The following ADGRA3 variants were observed in gnomAD, a reference collection of about 807,000 sequenced individuals.
ADGRA3 encodes the protein adhesion G protein-coupled receptor A3.
ADGRA3 carries 56 observed loss-of-function variants against 119.8 expected under a neutral mutation model. The observed-to-expected ratio is 0.47, with a 90% CI of 0.38 to 0.58. The LOEUF (loss-of-function observed/expected upper bound fraction) is 0.58. Among genes scored for constraint, ADGRA3 ranks in the 20% least tolerant of loss-of-function variants. The pLI, the probability that ADGRA3 is intolerant of heterozygous loss-of-function variation, is 0.00. For missense variants in ADGRA3, 1,516 were observed against 1,649.0 expected, an observed-to-expected ratio of 0.92 and a Z score of 1.40; for synonymous variants, 607 against 623.8, an observed-to-expected ratio of 0.97 and a Z score of 0.40.
chr4:22,398,076 T>C (rs576739923), intron 16 of ADGRA3: 3 of 985,330 alleles, frequency 3.0e-6, no homozygotes, highest in East Asian at 1.1e-4. Flanking sequence ...ATGGATGTAG[T>C]TGATCTGAGA....
At chr4:22,439,643 T>C (rs1220128647) in intron 7 of ADGRA3, among the ~76,000 whole-genome samples, 1 of 152,150 alleles carries the variant, frequency 6.6e-6, no homozygotes, top group Non-Finnish European at 1.5e-5. Context: ...CTTTACTAAG[T>C]TAGAAAAATA....
intron 6 of ADGRA3, chr4:22,443,101 G>A (rs1335829919): frequency 3.7e-5 from 25 of 681,830 alleles, no homozygotes; most frequent in Non-Finnish European, 6.1e-5. Context: ...TTCCTCTTCA[G>A]TGGCATCCTA....
At chr4:22,419,095 A>C (rs1313524479) in intron 12 of ADGRA3, among the ~76,000 whole-genome samples, 1 of 152,142 alleles carries the variant, frequency 6.6e-6, no homozygotes. Context: ...AGAGATTCTG[A>C]AATATGCAGG....
chr4:22,429,718 T>C lies in ADGRA3; in HGVS notation c.1444-5366A>G, dbSNP rs375177124. On this transcript the variant is annotated intron_variant, in intron 10 of 18. Transcript: ENST00000334304. ...CCTTCAAACAGGTCCTTTATACTAC[T>C]TTCGTGTTCTTAAAAACCTCAAGCT... Among the ~76,000 whole-genome samples, 16 of 152,352 alleles carry C rather than the reference T, an allele frequency of 1.1e-4. No individual in the cohort carries two copies. In the East Asian group the frequency reaches 1.4e-3, roughly 13 times the overall value.
At chr4:22,485,688 C>CTTTTA (rs1718412486) in intron 1 of ADGRA3, among the ~76,000 whole-genome samples, 2 of 152,114 alleles carry the variant, frequency 1.3e-5, no homozygotes, top group Non-Finnish European at 2.9e-5. Context: ...TAATGAACTG[C>CTTTTA]CTTTACTTTT....
intron 10 of ADGRA3, among the ~76,000 whole-genome samples, chr4:22,432,392 C>T: frequency 1.3e-5 from 2 of 150,610 alleles, no homozygotes; most frequent in South Asian, 2.1e-4. Context: ...CCTAGAAAAG[C>T]TTAATAATAC....
At chr4:22,390,582 C>T (rs1241437308) in intron 17 of ADGRA3, among the ~76,000 whole-genome samples, 1 of 151,722 alleles carries the variant, frequency 6.6e-6, no homozygotes, top group Non-Finnish European at 1.5e-5. Flanking sequence ...GTCAGCTGTA[C>T]CCACTCACCA....
At position 22,388,288 on chromosome 4, in the gene ADGRA3, T is replaced by C. The variant is rs545763677; in HGVS notation, c.3383A>G (p.Asn1128Ser). 21 of 1,614,110 alleles carry C rather than the reference T, an allele frequency of 1.3e-5. No homozygotes were observed. The African/African-American group carries it at 1.5e-4, about 11-fold the overall frequency. Residue 1128 changes from asparagine to serine, a missense_variant, in exon 19 of 19, where the codon AAT becomes AGT. Asn to Ser is a conservative substitution (Grantham distance 46). Around this residue, in one of 2 missense-constraint regions of ADGRA3, gnomAD observed 1,088 missense variants for 1,107.1 expected, o/e 0.98. Transcript: ENST00000334304. The stretch of plus-strand genomic sequence containing the variant: ...AGGGGTGGAGTTCAAAGGTAAAGAA[T>C]TGGCATGGCACTGAGCTGCAGCCGC... ...LQAAAAQCHA[N>S]SLPLNSTPQL...
intron 7 of ADGRA3, among the ~76,000 whole-genome samples, chr4:22,439,057 A>G (rs1025668611): frequency 1.1e-4 from 16 of 152,212 alleles, no homozygotes; most frequent in African/African-American, 3.6e-4. Context: ...ATCGTCGTAC[A>G]TTCTTTAGCA....
intron 1 of ADGRA3, among the ~76,000 whole-genome samples, chr4:22,504,195 C>A (rs1250556721): frequency 6.6e-6 from 1 of 150,628 alleles, no homozygotes; most frequent in Non-Finnish European, 1.5e-5. Flanking sequence ...ATGCACAATT[C>A]AAATATTATG....
At chr4:22,505,524 G>A (rs1224856132) in intron 1 of ADGRA3, among the ~76,000 whole-genome samples, 1 of 151,780 alleles carries the variant, frequency 6.6e-6, no homozygotes, top group Non-Finnish European at 1.5e-5. Context: ...GTGGGCGCCT[G>A]TAATCCCAGC....
intron 5 of ADGRA3, among the ~76,000 whole-genome samples, chr4:22,446,692 C>G (rs1028242183): frequency 3.3e-5 from 5 of 151,952 alleles, no homozygotes; most frequent in African/African-American, 9.7e-5. Flanking sequence ...AGTCAGAGTA[C>G]AGGGAAGAGA....
chr4:22,433,018 GT>G (rs1716249499), intron 10 of ADGRA3, among the ~76,000 whole-genome samples: 1 of 152,132 alleles, frequency 6.6e-6, no homozygotes. Flanking sequence ...AAGCCTCCTA[GT>G]TTTTTTCACT....
At chr4:22,470,571 T>A (rs1577368047) in intron 2 of ADGRA3, among the ~76,000 whole-genome samples, 1 of 152,302 alleles carries the variant, frequency 6.6e-6, no homozygotes, top group African/African-American at 2.4e-5. Context: ...GTGTGAGTAA[T>A]TCCTTGTTCT....
chr4:22,480,797 A>G (rs1220472462), intron 1 of ADGRA3, among the ~76,000 whole-genome samples: 2 of 152,216 alleles, frequency 1.3e-5, no homozygotes, highest in Non-Finnish European at 2.9e-5. Context: ...AAAATGAAAT[A>G]CCAGAAAGAT....
intron 12 of ADGRA3, among the ~76,000 whole-genome samples, chr4:22,419,155 G>A (rs1715547354): frequency 6.6e-6 from 1 of 151,818 alleles, no homozygotes; most frequent in Non-Finnish European, 1.5e-5. Context: ...CCTCTTTATG[G>A]GTTTAACTTC....
At chr4:22,411,434 A>G (rs1715193826) in intron 14 of ADGRA3, among the ~76,000 whole-genome samples, 1 of 152,088 alleles carries the variant, frequency 6.6e-6, no homozygotes, top group African/African-American at 2.4e-5. Context: ...CCCAGTCTCT[A>G]CTAAAAATAC....
intron 14 of ADGRA3, among the ~76,000 whole-genome samples, chr4:22,411,914 T>C (rs1715218382): frequency 1.3e-5 from 2 of 151,946 alleles, no homozygotes; most frequent in African/African-American, 4.8e-5. Context: ...TTGCTTGACC[T>C]GTGTACCAGG....
At chr4:22,515,266 G>A (rs1396771564) in intron 1 of ADGRA3, 4 of 304,486 alleles carry the variant, frequency 1.3e-5, no homozygotes, top group South Asian at 7.7e-5. Flanking sequence ...GCGCTGCGCC[G>A]GGGACAGCGC....
Sources: gnomAD v4.1 joint callset for allele counts (sites outside exome capture counted in the v4.1 genomes callset) on GRCh38, gnomAD v4.1.1 for gene constraint, gnomAD v4.1.1 regional missense constraint, MANE v1.5 for transcripts, NCBI Gene and HGNC (gene_info 2026-07-23, HGNC 2026-07-21) for gene names.